ATF7IP2: variants seen among roughly 807,000 people sequenced by gnomAD.
The protein encoded by ATF7IP2 is activating transcription factor 7 interacting protein 2.
In ATF7IP2, 42 loss-of-function variants were observed where a neutral mutation model predicts 64.2. That is an observed-to-expected ratio of 0.65 (90% CI 0.51 to 0.85). The LOEUF is 0.85. Among genes scored for constraint, ATF7IP2 ranks in the 40% least tolerant of loss-of-function variants. The pLI, the probability that ATF7IP2 is intolerant of heterozygous loss-of-function variation, is 0.00. For missense variants in ATF7IP2, 933 were observed against 784.2 expected (o/e 1.19, Z -2.27); for synonymous variants, 308 against 272.8 (o/e 1.13, Z -1.27).
chr16:10,461,266 C>G (rs146929658), intron 9 of ATF7IP2, among the ~76,000 whole-genome samples: 1 of 152,154 alleles, frequency 6.6e-6, no homozygotes, highest in African/African-American at 2.4e-5. Flanking sequence ...TGGTATAGTA[C>G]TCTAAAGAAA....
At chr16:10,451,132 G>A (rs1205424017) in intron 8 of ATF7IP2, among the ~76,000 whole-genome samples, 2 of 152,204 alleles carry the variant, frequency 1.3e-5, no homozygotes, top group African/African-American at 4.8e-5. Flanking sequence ...TAAAAATGTT[G>A]AATATTGGCC....
chr16:10,388,600 A>G (rs984800041), intron 1 of ATF7IP2, among the ~76,000 whole-genome samples: 3 of 152,198 alleles, frequency 2.0e-5, no homozygotes, highest in Non-Finnish European at 4.4e-5. Flanking sequence ...GCTTTTCAGT[A>G]CTTGTTATTA....
At chr16:10,408,225 T>C (rs781302651) in intron 1 of ATF7IP2, among the ~76,000 whole-genome samples, 3 of 152,194 alleles carry the variant, frequency 2.0e-5, no homozygotes, top group Non-Finnish European at 4.4e-5. Flanking sequence ...CACAATTTCT[T>C]TATGCACTCG....
At chr16:10,415,293 A>G (rs2141826911) in intron 2 of ATF7IP2, among the ~76,000 whole-genome samples, 1 of 152,338 alleles carries the variant, frequency 6.6e-6, no homozygotes, top group Middle Eastern at 3.4e-3. Flanking sequence ...ACAGTAGAAC[A>G]GAATAGATAT....
chr16:10,389,154 C>T (rs2047270439), intron 1 of ATF7IP2, among the ~76,000 whole-genome samples: 1 of 151,840 alleles, frequency 6.6e-6, no homozygotes, highest in African/African-American at 2.4e-5. Context: ...CAGTTCTGGT[C>T]AATTTGGAAA....
chr16:10,423,855 A>G (rs113990645), intron 3 of ATF7IP2, among the ~76,000 whole-genome samples: 370 of 152,154 alleles, frequency 2.4e-3, no homozygotes, highest in African/African-American at 8.6e-3. Context: ...CCTTCTTACC[A>G]CAGGGATTGC....
chr16:10,476,496 GTGTT>G (rs1255371944), intron 12 of ATF7IP2, among the ~76,000 whole-genome samples: 1 of 151,934 alleles, frequency 6.6e-6, no homozygotes, highest in Admixed American at 6.6e-5. Flanking sequence ...GTGTGTGTGT[GTGTT>G]TTTTTTTAAA....
At chr16:10,401,098 A>G (rs1437768108) in intron 1 of ATF7IP2, among the ~76,000 whole-genome samples, 4 of 151,834 alleles carry the variant, frequency 2.6e-5, no homozygotes, top group Non-Finnish European at 5.9e-5. Flanking sequence ...AATCACATTT[A>G]TTGATTTGCG....
chr16:10,471,845 A>G (rs890605123), intron 9 of ATF7IP2: 1 of 252,424 alleles, frequency 4.0e-6, no homozygotes, highest in Non-Finnish European at 7.6e-6. Context: ...GTATACTTAT[A>G]TATATTTTGA....
rs140918012 is a variant in ATF7IP2, at chr16:10,458,565, G to A, written c.1352+1036G>A. ...CACTCTCAGCCCATGGTGAATGTGC[G>A]GATAGGTGTAACAAATGTGTAACTT... On this transcript the variant is annotated intron_variant, in intron 9 of 13. Transcript: ENST00000562102. Among the ~76,000 whole-genome samples the A allele has an allele frequency of 2.9e-4, 44 of 152,236 alleles. No homozygotes were observed. In the Middle Eastern group the frequency reaches 0.014, roughly 47 times the overall value.
intron 9 of ATF7IP2, 104 bp from the exon 10 acceptor site, chr16:10,472,006 A>C: frequency 6.0e-6 from 3 of 501,562 alleles, no homozygotes; most frequent in Non-Finnish European, 6.9e-6. Context: ...TTCAATTAAA[A>C]CATTATGAAA....
chr16:10,447,210 G>T (rs2048838186), intron 8 of ATF7IP2: 1 of 152,340 alleles, frequency 6.6e-6, no homozygotes, highest in Non-Finnish European at 1.5e-5. Flanking sequence ...CACCACCCCA[G>T]CGGCTTTTCT....
chr16:10,439,398 G>T (rs1048689628), intron 7 of ATF7IP2, among the ~76,000 whole-genome samples: 1 of 151,756 alleles, frequency 6.6e-6, no homozygotes, highest in Non-Finnish European at 1.5e-5. Flanking sequence ...ACCGTGCCCG[G>T]CTAATTTTTT....
chr16:10,480,854 T>C (rs766583910), intron 12 of ATF7IP2, 25 bp from the exon 13 acceptor site: 6 of 1,483,592 alleles, frequency 4.0e-6, no homozygotes, highest in Non-Finnish European at 5.7e-6. Flanking sequence ...TAAGATTTAC[T>C]TCTTAAACCT....
intron 12 of ATF7IP2, among the ~76,000 whole-genome samples, chr16:10,477,127 C>T (rs1228743431): frequency 6.6e-6 from 1 of 152,148 alleles, no homozygotes; most frequent in African/African-American, 2.4e-5. Flanking sequence ...CTGTATACAG[C>T]AGAAGAAACT....
intron 4 of ATF7IP2, among the ~76,000 whole-genome samples, chr16:10,429,758 A>ATTATTTTATTTTATTTTATTTTATTATT (rs369598763): frequency 5.4e-4 from 69 of 128,616 alleles, no homozygotes; most frequent in African/African-American, 1.7e-3. Flanking sequence ...ATTTTATTTT[A>ATTATTTTATTTTATTTTATTTTATTATT]TTATTTTATT....
chr16:10,480,987 A>C, intron 13 of ATF7IP2, 23 bp downstream of exon 13: 1 of 1,521,134 alleles, frequency 6.6e-7, no homozygotes, highest in Non-Finnish European at 9.1e-7. Context: ...AGTGCTCTGT[A>C]AGGGATATTT....
chr16:10,460,262 A>G (rs546027086), intron 9 of ATF7IP2, among the ~76,000 whole-genome samples: 12 of 152,228 alleles, frequency 7.9e-5, no homozygotes, highest in Non-Finnish European at 1.5e-4. Context: ...AAAACGTTAG[A>G]TATTAAAGAA....
intron 11 of ATF7IP2, 71 bp from the exon 12 acceptor site, chr16:10,473,852 G>A: frequency 1.0e-6 from 1 of 954,832 alleles, no homozygotes. Flanking sequence ...ATTACCAAAT[G>A]GTTTTAAATT....
Sources: allele counts gnomAD v4.1 joint callset (sites outside exome capture counted in the v4.1 genomes callset), GRCh38; gene constraint gnomAD v4.1.1; transcripts MANE v1.5; gene names NCBI Gene and HGNC (gene_info 2026-07-23, HGNC 2026-07-21).